The following CNTN1 variants were observed in gnomAD, a reference collection of about 807,000 sequenced individuals.
CNTN1 encodes contactin-1.
A neutral mutation model predicts 126.4 loss-of-function variants in CNTN1; 38 were observed. The observed-to-expected ratio is 0.30, with a 90% confidence interval of 0.23 to 0.39. The LOEUF (loss-of-function observed/expected upper bound fraction) is 0.39. Ranked by LOEUF, CNTN1 falls within the 10% of genes least tolerant of loss-of-function variation. CNTN1 has a pLI of 1.00. For synonymous variants in CNTN1, 413 were observed against 422.6 expected, an observed-to-expected ratio of 0.98 and a Z score of 0.28; for missense variants, 1,009 against 1,248.4, an observed-to-expected ratio of 0.81 and a Z score of 2.89.
At chr12:40,784,615 T>G (rs955190099) in intron 1 of CNTN1, among the ~76,000 whole-genome samples, 2 of 152,070 alleles carry the variant, frequency 1.3e-5, no homozygotes, top group Non-Finnish European at 2.9e-5. Flanking sequence ...GGCAAGCAAG[T>G]GCCAAGCTTG....
chr12:40,716,330 C>A (rs967654190), intron 1 of CNTN1, among the ~76,000 whole-genome samples: 1 of 151,028 alleles, frequency 6.6e-6, no homozygotes, highest in African/African-American at 2.4e-5. Flanking sequence ...CCCTCCCTTC[C>A]TTTCCTCCTT....
intron 17 of CNTN1, among the ~76,000 whole-genome samples, chr12:41,005,983 G>T (rs940331101): frequency 6.6e-6 from 1 of 152,172 alleles, no homozygotes; most frequent in Non-Finnish European, 1.5e-5. Flanking sequence ...TCATTTGGAG[G>T]AAACAAGGCA....
chr12:40,847,768 G>T (rs184665601), intron 1 of CNTN1, among the ~76,000 whole-genome samples: 36 of 152,338 alleles, frequency 2.4e-4, no homozygotes, highest in African/African-American at 8.7e-4. Flanking sequence ...TCCTGTTGGG[G>T]ATCCTCCACT....
intron 23 of CNTN1, among the ~76,000 whole-genome samples, chr12:41,043,021 A>G (rs1949453351): frequency 6.6e-6 from 1 of 152,212 alleles, no homozygotes; most frequent in Non-Finnish European, 1.5e-5. Context: ...AAAGACTTAC[A>G]TGTTAGACCT....
chr12:41,035,526 T>C (rs1949239473), intron 23 of CNTN1, among the ~76,000 whole-genome samples: 1 of 152,172 alleles, frequency 6.6e-6, no homozygotes. Context: ...TTCTAATGGA[T>C]ATCAGAAGAA....
intron 1 of CNTN1, among the ~76,000 whole-genome samples, chr12:40,755,989 A>ATT (rs1369353721): frequency 6.6e-6 from 1 of 152,142 alleles, no homozygotes; most frequent in African/African-American, 2.4e-5. Flanking sequence ...AAGTGAAAAC[A>ATT]TTCTGTATGA....
chr12:41,066,727 C>CT (rs1950055705), intron 23 of CNTN1, among the ~76,000 whole-genome samples: 1 of 152,140 alleles, frequency 6.6e-6, no homozygotes, highest in South Asian at 2.1e-4. Flanking sequence ...CAGTTTTCTA[C>CT]TTATCAGAAA....
chr12:41,029,743 T>C (rs936836156), intron 23 of CNTN1, among the ~76,000 whole-genome samples: 2 of 152,094 alleles, frequency 1.3e-5, no homozygotes. Flanking sequence ...TATAACTCTT[T>C]CACTTGGACT....
intron 1 of CNTN1, among the ~76,000 whole-genome samples, chr12:40,869,050 A>C (rs1943400289): frequency 6.6e-6 from 1 of 151,880 alleles, no homozygotes. Flanking sequence ...AATTGAAAAA[A>C]AATTTTATGA....
At chr12:40,896,789 T>C (rs2136752654) in intron 1 of CNTN1, among the ~76,000 whole-genome samples, 1 of 152,276 alleles carries the variant, frequency 6.6e-6, no homozygotes, top group Admixed American at 6.5e-5. Context: ...TACCAGCAGG[T>C]GAGACAAAGG....
Position 40,910,107 on chromosome 12 carries a change from T to C in CNTN1, c.94+2T>C. The stretch of plus-strand genomic sequence containing the variant: ...GGTATAGAAGATATGGTCATGGAGG[T>C]AAGTTGACCAAAGAGTAGACCTTGT... On this transcript the variant is annotated splice_donor_variant, in intron 3 of 23. Transcript: ENST00000551295. LOFTEE classifies it high-confidence loss of function. 1.2e-6 allele frequency: 2 copies of C among 1,604,142 alleles called. No individual in the cohort carries two copies. Among genetic ancestry groups the C allele is most frequent in the Non-Finnish European group, 8.5e-7 (1 of 1,171,850 alleles).
intron 15 of CNTN1, among the ~76,000 whole-genome samples, chr12:40,964,973 A>G (rs1360825216): frequency 6.6e-6 from 1 of 152,140 alleles, no homozygotes; most frequent in Non-Finnish European, 1.5e-5. Flanking sequence ...AGACAAAATT[A>G]GTTCTGAAGC....
At chr12:41,030,189 T>TA (rs1241231290) in intron 23 of CNTN1, among the ~76,000 whole-genome samples, 4 of 150,434 alleles carry the variant, frequency 2.7e-5, no homozygotes, top group Non-Finnish European at 4.4e-5. Flanking sequence ...TTAAGAAAAC[T>TA]AAAAAAAAAG....
intron 1 of CNTN1, among the ~76,000 whole-genome samples, chr12:40,704,270 A>G (rs548660803): frequency 3.3e-5 from 5 of 152,302 alleles, no homozygotes; most frequent in African/African-American, 1.2e-4. Flanking sequence ...AAATGTTAAA[A>G]TAAGTCTAGA....
At chr12:40,713,620 A>G (rs1366067430) in intron 1 of CNTN1, among the ~76,000 whole-genome samples, 1 of 152,048 alleles carries the variant, frequency 6.6e-6, no homozygotes, top group Admixed American at 6.6e-5. Flanking sequence ...ACATTTGACT[A>G]ATGAAAGTGC....
intron 17 of CNTN1, among the ~76,000 whole-genome samples, chr12:41,002,818 A>G (rs184651640): frequency 2.0e-4 from 31 of 152,200 alleles, no homozygotes; most frequent in Non-Finnish European, 1.9e-4. Context: ...CGGCCTCCCA[A>G]AGTGCTGGGA....
intron 15 of CNTN1, among the ~76,000 whole-genome samples, chr12:40,974,589 G>T (rs1445281773): frequency 6.6e-6 from 1 of 152,072 alleles, no homozygotes; most frequent in Non-Finnish European, 1.5e-5. Flanking sequence ...TAACATTTTT[G>T]AATGTGATAC....
At chr12:40,793,961 T>TG (rs1293193009) in intron 1 of CNTN1, among the ~76,000 whole-genome samples, 1 of 16,356 alleles carries the variant, frequency 6.1e-5, no homozygotes, top group Non-Finnish European at 1.7e-3. Context: ...AGGGAAGTGG[T>TG]GGTAAGGGGG....
Position 41,014,257 on chromosome 12 carries a change from G to A in CNTN1, c.2143G>A (p.Gly715Ser). Residue 715 changes from glycine (G) to serine (S), a missense_variant, in exon 18 of 24, where the codon GGT becomes AGT. Gly to Ser is a moderately conservative substitution (Grantham distance 56, BLOSUM62 0). Transcript: ENST00000551295. ...AAATGTGGCTCCTTCAGATGTAGGA[G>A]GTGGAGGTGGAAGAAACAGAGAGCT... The part of the protein sequence containing the change: ...APNVAPSDVG[G>S]GGGRNRELTI... 6.2e-7 allele frequency: 1 copy of A among 1,613,982 alleles called. No individual in the cohort carries two copies. The highest frequency in any genetic ancestry group is 8.5e-7 in the Non-Finnish European group (1 of 1,179,882).
Sources: gnomAD v4.1 joint callset for allele counts (sites outside exome capture counted in the v4.1 genomes callset) on GRCh38, gnomAD v4.1.1 for gene constraint, MANE v1.5 for transcripts, NCBI Gene and HGNC (gene_info 2026-07-23, HGNC 2026-07-21) for gene names.